Variants in OR2D2 observed in about 807,000 individuals in gnomAD.
OR2D2 encodes olfactory receptor family 2 subfamily D member 2.
OR2D2 carries 20 observed loss-of-function variants against 16.0 expected under a neutral mutation model. The ratio of observed to expected loss-of-function variants is 1.25; its 90% CI spans 0.88 to 1.82. The LOEUF is 1.82. Ranked by LOEUF, OR2D2 falls within the 40% of genes most tolerant of loss-of-function variation. The probability of loss-of-function intolerance (pLI) is 0.00; values close to 1 mark genes in which losing one functional copy is unlikely to be tolerated. For synonymous variants in OR2D2, 164 were observed against 143.9 expected (o/e 1.14, Z -1.00); for missense variants, 409 against 369.3 (o/e 1.11, Z -0.88).
rs760830707 is a variant in OR2D2 at position 6,891,666 on chromosome 11, C to T, written c.835G>A (p.Val279Met). 3.1e-6 allele frequency: 5 copies of T among 1,613,478 alleles called. No individual in the cohort carries two copies. The highest frequency in any genetic ancestry group is 3.4e-6 in the Non-Finnish European group (4 of 1,179,790). The change falls in exon 1 of 1, where the codon GTG (valine) becomes ATG (methionine). Residue 279 changes from valine to methionine, a missense_variant. Coordinates refer to ENST00000299459, the MANE Select transcript of OR2D2 (RefSeq NM_003700.1). ...ATGAGGGGATTAAGCATGGGAGTCA[C>T]TATTGCATAGAAAACAGACACCGAT... is the stretch of plus-strand genomic sequence containing the variant. ...EKSVSVFYAI[V>M]TPMLNPLIYS...
chr11:6,892,221 A>C lies in OR2D2; in HGVS notation c.280T>G (p.Phe94Val). The change falls in exon 1 of 1, where the codon TTC becomes GTC. Residue 94 changes from phenylalanine to valine, a missense_variant. Coordinates refer to ENST00000299459, the MANE Select transcript of OR2D2 (RefSeq NM_003700.1). ...AGAAGTCGAGCTGCGCAAAGTGTGAATGCAATGACCTTCTTTCTGGAAAGC... is the reference window on the plus strand; with the variant it reads ...AGAAGTCGAGCTGCGCAAAGTGTGACTGCAATGACCTTCTTTCTGGAAAGC... ...HLLSRKKVIA[F>V]TLCAARLLFF... 1 of 1,613,956 alleles carries C rather than the reference A, an allele frequency of 6.2e-7. No homozygotes were observed. The highest frequency in any genetic ancestry group is 1.1e-5 in the South Asian group (1 of 91,086).
chr11:6,892,174 A>C lies in OR2D2; in HGVS notation c.327T>G (p.Cys109Trp), dbSNP rs1476364262. The stretch of plus-strand genomic sequence containing the variant: ...TCACTGCAAGAAGGGCGCACTGGGT[A>C]CACCCAAAAATGAGGAAAAAGAGAA... ...ARLLFFLIFG[C>W]TQCALLAVMS... Residue 109 changes from cysteine (C) to tryptophan (W), a missense_variant, in exon 1 of 1, where the codon TGT (cysteine) becomes TGG (tryptophan). Cys to Trp is a radical substitution (Grantham distance 215). Transcript: ENST00000299459. 1 of 1,613,896 alleles carries C rather than the reference A, an allele frequency of 6.2e-7. No homozygotes were observed. Among genetic ancestry groups the C allele is most frequent in the South Asian group, 1.1e-5 (1 of 91,078 alleles).
rs1848593163 is a variant in OR2D2, at chr11:6,891,608, GC to G, written c.892del (p.Ala298LeufsTer2). ...ATTCCTTGTGGCTACTTTCCTCAGA[GC>G]TGCCTTCACATCCTTGTTTCTCAGG... ...YSLRNKDVKAALRKVATRNFP is the reference protein window; with the variant it reads ...YSLRNKDVKAXLRKVATRNFP On this transcript the variant is annotated frameshift_variant, in exon 1 of 1. Transcript: ENST00000299459. LOFTEE classifies it high-confidence loss of function. The G allele has an allele frequency of 6.2e-7, 1 of 1,613,278 alleles. No individual in the cohort carries two copies. Among genetic ancestry groups the G allele is most frequent in the Non-Finnish European group, 8.5e-7 (1 of 1,179,610 alleles).
rs770932912 is a variant in OR2D2, at chr11:6,891,708, A to G, written c.793T>C (p.Ser265Pro). 1 of 1,613,734 alleles carries G rather than the reference A, an allele frequency of 6.2e-7. No homozygotes were observed. Among genetic ancestry groups the G allele is most frequent in the Non-Finnish European group, 8.5e-7 (1 of 1,179,800 alleles). ...AIITYMTPKS[S>P]KQQEKSVSVF... ...GACACCGATTTTTCCTGCTGTTTGG[A>G]AGACTTGGGTGTCATGTAAGTGATA... The change falls in exon 1 of 1, where the codon TCC becomes CCC. Residue 265 changes from serine (S) to proline (P), a missense_variant. Coordinates refer to ENST00000299459, the MANE Select transcript of OR2D2 (RefSeq NM_003700.1).
Position 6,891,669 on chromosome 11 carries a change from T to C in OR2D2, c.832A>G (p.Ile278Val), listed in dbSNP as rs1386826173. The C allele has an allele frequency of 8.7e-6, 14 of 1,613,342 alleles. No individual in the cohort carries two copies. Among genetic ancestry groups the C allele is most frequent in the East Asian group, 2.2e-5 (1 of 44,878 alleles). The change falls in exon 1 of 1, where the codon ATA (isoleucine) becomes GTA (valine). Residue 278 changes from isoleucine to valine, a missense_variant. Ile to Val is a conservative substitution (Grantham distance 29, BLOSUM62 3). Coordinates refer to ENST00000299459, the MANE Select transcript of OR2D2 (RefSeq NM_003700.1). ...AGGGGATTAAGCATGGGAGTCACTA[T>C]TGCATAGAAAACAGACACCGATTTT... ...QEKSVSVFYA[I>V]VTPMLNPLIY... is the part of the protein sequence containing the mutation.
Position 6,891,608 on chromosome 11 carries a change from G to A in OR2D2, c.893C>T (p.Ala298Val). 5 of 1,613,396 alleles carry A rather than the reference G, an allele frequency of 3.1e-6. No individual in the cohort carries two copies. Among genetic ancestry groups the A allele is most frequent in the Non-Finnish European group, 4.2e-6 (5 of 1,179,602 alleles). Residue 298 changes from alanine to valine, a missense_variant, in exon 1 of 1, where the codon GCT becomes GTT. Transcript: ENST00000299459. ...ATTCCTTGTGGCTACTTTCCTCAGA[G>A]CTGCCTTCACATCCTTGTTTCTCAG... Reference protein sequence around the residue: ...YSLRNKDVKAALRKVATRNFP With the variant: ...YSLRNKDVKAVLRKVATRNFP
Position 6,891,952 on chromosome 11 carries a change from T to G in OR2D2, c.549A>C (p.Ala183=), listed in dbSNP as rs753505779. 3 of 1,613,622 alleles carry G rather than the reference T, an allele frequency of 1.9e-6. No homozygotes were observed. Among genetic ancestry groups the G allele is most frequent in the African/African-American group, 1.3e-5 (1 of 74,884 alleles). ...TGTCTGTGGATGCTAAGATCAATAG[T>G]GCAGGGGCCTCACAAAAGAAATGAG... ...SIAHFFCEAP[A]LLILASTDTH... The change falls in exon 1 of 1, where the codon GCA becomes GCC. Residue 183 remains alanine (A), a synonymous_variant. Coordinates refer to ENST00000299459, the MANE Select transcript of OR2D2 (RefSeq NM_003700.1).
Position 6,891,832 on chromosome 11 carries a change from T to C in OR2D2, c.669A>G (p.Val223=). 6.2e-7 allele frequency: 1 copy of C among 1,613,756 alleles called. No individual in the cohort carries two copies. The highest frequency in any genetic ancestry group is 1.1e-5 in the South Asian group (1 of 91,072). ...LILVSYGRII[V]TVVKMKSTVG... ...CAGTTGACTTCATCTTGACCACAGT[T>C]ACTATGATACGGCCATAGGATACCA... Residue 223 remains valine (V), a synonymous_variant, in exon 1 of 1, where the codon GTA becomes GTG. Coordinates refer to ENST00000299459, the MANE Select transcript of OR2D2 (RefSeq NM_003700.1).
chr11:6,891,906 T>C lies in OR2D2; in HGVS notation c.595A>G (p.Ile199Val), dbSNP rs769844381. The C allele has an allele frequency of 1.9e-6, 3 of 1,613,402 alleles. No homozygotes were observed. The African/African-American group carries it at 4.0e-5, about 22-fold the overall frequency. The change falls in exon 1 of 1, where the codon ATT (isoleucine) becomes GTT (valine). Residue 199 changes from isoleucine (I) to valine (V), a missense_variant. Ile to Val is a conservative substitution (Grantham distance 29). Coordinates refer to ENST00000299459, the MANE Select transcript of OR2D2 (RefSeq NM_003700.1). ...STDTHASEMA[I>V]FLMGVVILLI... ...AGAATCACAACCCCCATAAGAAAAATGGCCATCTCTGATGCATGGGTGTCT... is the reference window on the plus strand; with the variant it reads ...AGAATCACAACCCCCATAAGAAAAACGGCCATCTCTGATGCATGGGTGTCT...
Position 6,891,676 on chromosome 11 carries a change from G to C in OR2D2, c.825C>G (p.Phe275Leu). Residue 275 changes from phenylalanine (F) to leucine (L), a missense_variant, in exon 1 of 1, where the codon TTC (phenylalanine) becomes TTG (leucine). Physicochemically the swap from Phe to Leu is conservative, Grantham distance 22. Coordinates refer to ENST00000299459, the MANE Select transcript of OR2D2 (RefSeq NM_003700.1). ...TAAGCATGGGAGTCACTATTGCATA[G>C]AAAACAGACACCGATTTTTCCTGCT... ...SKQQEKSVSV[F>L]YAIVTPMLNP... 6.2e-7 allele frequency: 1 copy of C among 1,613,158 alleles called. No individual in the cohort carries two copies. The highest frequency in any genetic ancestry group is 1.1e-5 in the South Asian group (1 of 91,082).
At position 6,891,855 on chromosome 11, in the gene OR2D2, C is replaced by T. The variant is rs756777270; in HGVS notation, c.646G>A (p.Val216Ile). The T allele has an allele frequency of 1.2e-6, 2 of 1,613,692 alleles. No individual in the cohort carries two copies. The highest frequency in any genetic ancestry group is 3.3e-5 in the Admixed American group (2 of 59,934). The change falls in exon 1 of 1, where the codon GTA becomes ATA. Residue 216 changes from valine (V) to isoleucine (I), a missense_variant. Transcript: ENST00000299459. The part of the protein sequence containing the change: ...ILLIPVFLIL[V>I]SYGRIIVTVV... The stretch of plus-strand genomic sequence containing the variant: ...GTTACTATGATACGGCCATAGGATA[C>T]CAGAATCAGAAAAACAGGTATGAGG...
In OR2D2 at chr11:6,891,853, T is replaced by C; in HGVS notation, c.648A>G (p.Val216=). Residue 216 remains valine, a synonymous_variant, in exon 1 of 1, where the codon GTA becomes GTG. Transcript: ENST00000299459. ...ILLIPVFLIL[V]SYGRIIVTVV... ...CAGTTACTATGATACGGCCATAGGATACCAGAATCAGAAAAACAGGTATGA... is the reference window on the plus strand; with the variant it reads ...CAGTTACTATGATACGGCCATAGGACACCAGAATCAGAAAAACAGGTATGA... The C allele has an allele frequency of 6.2e-7, 1 of 1,613,838 alleles. No homozygotes were observed.
rs951495594 is a variant in OR2D2, at chr11:6,892,025, T to C, written c.476A>G (p.Asp159Gly). ...GGGTAGCCTCAGTATGAAGGTGGTGTCTACCACAGACACCAGAATGCCACT... is the reference window on the plus strand; with the variant it reads ...GGGTAGCCTCAGTATGAAGGTGGTGCCTACCACAGACACCAGAATGCCACT... ...WTSGILVSVVDTTFILRLPYR... is the reference protein window; with the variant it reads ...WTSGILVSVVGTTFILRLPYR... The change falls in exon 1 of 1, where the codon GAC becomes GGC. Residue 159 changes from aspartate (D) to glycine (G), a missense_variant. Transcript: ENST00000299459. The C allele has an allele frequency of 1.7e-5, 28 of 1,613,602 alleles. No homozygotes were observed. Among genetic ancestry groups the C allele is most frequent in the Non-Finnish European group, 2.2e-5 (26 of 1,179,812 alleles).
chr11:6,892,492 C>G lies in OR2D2; in HGVS notation c.9G>C (p.Gln3His). Residue 3 changes from glutamine (Q) to histidine (H), a missense_variant, in exon 1 of 1, where the codon CAG becomes CAC. Transcript: ENST00000299459. MR[Q>H]INQTQVTEFL... ...ATTCTGTCACTTGTGTCTGATTTAT[C>G]TGTCTCATAGTTTGTTGTCCTTTTC... The G allele has an allele frequency of 6.2e-7, 1 of 1,605,308 alleles. No individual in the cohort carries two copies. Among genetic ancestry groups the G allele is most frequent in the Middle Eastern group, 1.7e-4 (1 of 6,000 alleles).
Position 6,891,862 on chromosome 11 carries a change from C to G in OR2D2, c.639G>C (p.Leu213=). 6.2e-7 allele frequency: 1 copy of G among 1,613,784 alleles called. No homozygotes were observed. Among genetic ancestry groups the G allele is most frequent in the Non-Finnish European group, 8.5e-7 (1 of 1,179,870 alleles). ...TGATACGGCCATAGGATACCAGAAT[C>G]AGAAAAACAGGTATGAGGAGAATCA... ...GVVILLIPVF[L]ILVSYGRIIV... Residue 213 remains leucine, a synonymous_variant, in exon 1 of 1, where the codon CTG becomes CTC. Coordinates refer to ENST00000299459, the MANE Select transcript of OR2D2 (RefSeq NM_003700.1).
chr11:6,891,759 C>G lies in OR2D2; in HGVS notation c.742G>C (p.Val248Leu). The G allele has an allele frequency of 1.2e-6, 2 of 1,613,752 alleles. No homozygotes were observed. Among genetic ancestry groups the G allele is most frequent in the Non-Finnish European group, 1.7e-6 (2 of 1,179,842 alleles). ...ATTGCTGATCCATAAAAAAGTATGACCACCATGAGGTGGGAGCCACAGGTA... is the reference window on the plus strand; with the variant it reads ...ATTGCTGATCCATAAAAAAGTATGAGCACCATGAGGTGGGAGCCACAGGTA... ...FSTCGSHLMVVILFYGSAIIT... is the reference protein window; with the variant it reads ...FSTCGSHLMVLILFYGSAIIT... Residue 248 changes from valine (V) to leucine (L), a missense_variant, in exon 1 of 1, where the codon GTC becomes CTC. By Grantham distance (32) the Val-to-Leu change is conservative. Coordinates refer to ENST00000299459, the MANE Select transcript of OR2D2 (RefSeq NM_003700.1).
chr11:6,891,997 G>T lies in OR2D2; in HGVS notation c.504C>A (p.Tyr168Ter), dbSNP rs933183949. ...AATGAGCAATGCTGTTACTGCCTCG[G>T]TAGGGTAGCCTCAGTATGAAGGTGG... ...VDTTFILRLPYRGSNSIAHFF... is the reference protein window; with the variant it reads ...VDTTFILRLP Residue 168 changes from tyrosine (Y) to a stop codon, truncating the protein, a stop_gained, in exon 1 of 1, where the codon TAC becomes TAA. Transcript: ENST00000299459. LOFTEE classifies it high-confidence loss of function. The T allele has an allele frequency of 1.2e-6, 2 of 1,613,712 alleles. No individual in the cohort carries two copies. Among genetic ancestry groups the T allele is most frequent in the Non-Finnish European group, 1.7e-6 (2 of 1,179,788 alleles).
In OR2D2 at chr11:6,892,000, G is replaced by T. The variant is rs190085149; in HGVS notation, c.501C>A (p.Pro167=). ...VVDTTFILRL[P]YRGSNSIAHF... ...GAGCAATGCTGTTACTGCCTCGGTA[G>T]GGTAGCCTCAGTATGAAGGTGGTGT... Residue 167 remains proline, a synonymous_variant, in exon 1 of 1, where the codon CCC becomes CCA. Transcript: ENST00000299459. 2.5e-6 allele frequency: 4 copies of T among 1,613,740 alleles called. No individual in the cohort carries two copies. In the East Asian group the frequency reaches 8.9e-5, roughly 36 times the overall value.
chr11:6,892,020 T>C lies in OR2D2; in HGVS notation c.481A>G (p.Thr161Ala), dbSNP rs1439847531. The C allele has an allele frequency of 9.9e-6, 16 of 1,613,676 alleles. No individual in the cohort carries two copies. Among genetic ancestry groups the C allele is most frequent in the African/African-American group, 1.3e-5 (1 of 74,992 alleles). ...CGGTAGGGTAGCCTCAGTATGAAGGTGGTGTCTACCACAGACACCAGAATG... is the reference window on the plus strand; with the variant it reads ...CGGTAGGGTAGCCTCAGTATGAAGGCGGTGTCTACCACAGACACCAGAATG... ...SGILVSVVDT[T>A]FILRLPYRGS... is the part of the protein sequence containing the mutation. The change falls in exon 1 of 1, where the codon ACC becomes GCC. Residue 161 changes from threonine (T) to alanine (A), a missense_variant. Physicochemically the swap from Thr to Ala is moderately conservative, Grantham distance 58. Coordinates refer to ENST00000299459, the MANE Select transcript of OR2D2 (RefSeq NM_003700.1).
Sources: allele counts gnomAD v4.1 joint callset, GRCh38; gene constraint gnomAD v4.1.1; transcripts MANE v1.5; gene names NCBI Gene and HGNC (gene_info 2026-07-23, HGNC 2026-07-21).